ZNF451: variants seen among roughly 807,000 people sequenced by gnomAD.
ZNF451 encodes the protein zinc finger protein 451.
Under a neutral mutation model 107.1 loss-of-function variants are expected in ZNF451, and 80 were observed. The observed-to-expected ratio is 0.75, with a 90% CI of 0.62 to 0.90. The LOEUF (loss-of-function observed/expected upper bound fraction) is 0.90. Among genes scored for constraint, ZNF451 ranks in the 40% least tolerant of loss-of-function variants. ZNF451 has a pLI of 0.00. For missense variants in ZNF451, 1,107 were observed against 1,236.2 expected, an observed-to-expected ratio of 0.90 and a Z score of 1.57; for synonymous variants, 362 against 406.5, an observed-to-expected ratio of 0.89 and a Z score of 1.32.
intron 12 of ZNF451, among the ~76,000 whole-genome samples, chr6:57,153,468 G>A (rs891966916): frequency 6.6e-6 from 1 of 151,346 alleles, no homozygotes; most frequent in African/African-American, 2.4e-5. Context: ...GAGTGCAGTG[G>A]CGCGATCTTG....
intron 10 of ZNF451, among the ~76,000 whole-genome samples, chr6:57,148,975 T>C (rs1232091065): frequency 6.6e-6 from 1 of 152,212 alleles, no homozygotes; most frequent in Non-Finnish European, 1.5e-5. Flanking sequence ...AGTTGATAGT[T>C]TTTCTGAAAG....
At chr6:57,104,655 T>C in intron 3 of ZNF451, 4 of 985,308 alleles carry the variant, frequency 4.1e-6, no homozygotes, top group Non-Finnish European at 4.8e-6. Context: ...AACCATTTTT[T>C]AAGCGTATGG....
chr6:57,162,963 G>A (rs1229540321), intron 14 of ZNF451, among the ~76,000 whole-genome samples: 3 of 152,100 alleles, frequency 2.0e-5, no homozygotes, highest in African/African-American at 7.2e-5. Context: ...AATAGAGGTG[G>A]GGATAAAATC....
rs779857438 is a variant in ZNF451 at position 57,141,397 on chromosome 6, G to T, written c.798G>T (p.Glu266Asp). 3 of 1,613,386 alleles carry T rather than the reference G, an allele frequency of 1.9e-6. No individual in the cohort carries two copies. The highest frequency in any genetic ancestry group is 2.5e-6 in the Non-Finnish European group (3 of 1,179,662). The stretch of plus-strand genomic sequence containing the variant: ...GCTTCCTTCTTTTTAGCAGAAAGGA[G>T]GAGTGTTCAAAGCATATGTCTGGAA... ...PNCFLLFSRK[E>D]ECSKHMSGKN... Residue 266 changes from glutamate to aspartate, a missense_variant, in exon 8 of 15, where the codon GAG becomes GAT. Transcript: ENST00000370706.
intron 3 of ZNF451, among the ~76,000 whole-genome samples, chr6:57,124,156 A>G (rs1830789137): frequency 6.6e-6 from 1 of 152,188 alleles, no homozygotes; most frequent in African/African-American, 2.4e-5. Flanking sequence ...ATCTTTATAA[A>G]GTGAAGAAAG....
At chr6:57,104,453 A>G (rs1005948987) in intron 3 of ZNF451, 29 of 985,270 alleles carry the variant, frequency 2.9e-5, no homozygotes, top group Non-Finnish European at 3.5e-5. Context: ...ATTAGATGCT[A>G]TGTCATAAAC....
intron 14 of ZNF451, among the ~76,000 whole-genome samples, chr6:57,167,913 A>G (rs1238427840): frequency 6.6e-6 from 1 of 152,198 alleles, no homozygotes; most frequent in Non-Finnish European, 1.5e-5. Flanking sequence ...CTCAGATGAC[A>G]TTTATGTGGC....
intron 14 of ZNF451, among the ~76,000 whole-genome samples, chr6:57,161,940 A>G (rs560977895): frequency 1.6e-4 from 24 of 152,306 alleles, no homozygotes; most frequent in Non-Finnish European, 2.9e-4. Context: ...TTTTTATGTC[A>G]CTTGGCATCA....
intron 2 of ZNF451, chr6:57,091,449 C>T (rs1280525505): frequency 2.8e-5 from 4 of 145,046 alleles, no homozygotes; most frequent in African/African-American, 7.7e-5. Flanking sequence ...GTTTTCAAGC[C>T]TTAGTAAGTA....
intron 3 of ZNF451, among the ~76,000 whole-genome samples, chr6:57,123,791 T>C (rs762930899): frequency 1.3e-5 from 2 of 152,256 alleles, no homozygotes; most frequent in African/African-American, 4.8e-5. Flanking sequence ...CTAATGTACA[T>C]AGTGATTTTT....
chr6:57,162,816 A>AT (rs1265869970), intron 14 of ZNF451, among the ~76,000 whole-genome samples: 1 of 152,208 alleles, frequency 6.6e-6, no homozygotes, highest in Non-Finnish European at 1.5e-5. Context: ...TATGTACCAC[A>AT]TATTATCTAT....
In ZNF451 at chr6:57,169,342, A is replaced by T. The variant is rs1204638328; in HGVS notation, c.*873A>T. ...TTTTTATTTCATGTGAAGTGTTTTC[A>T]GTTTAGTTATTCACTGAATTGTCAG... On this transcript the variant is annotated 3_prime_UTR_variant, in exon 15 of 15. Transcript: ENST00000370706. 1.3e-5 allele frequency: 2 copies of T among 152,112 alleles called. No individual in the cohort carries two copies. Among genetic ancestry groups the T allele is most frequent in the African/African-American group, 4.8e-5 (2 of 41,440 alleles). 9.4% of individuals were successfully genotyped at this position (152,112 alleles called of 1,614,324 possible). A position where few individuals can be genotyped will look rare whatever the true frequency, so the allele number is the denominator to read the frequency against.
At chr6:57,143,461 CTTTGAG>C (rs1831883561) in intron 9 of ZNF451, among the ~76,000 whole-genome samples, 1 of 152,024 alleles carries the variant, frequency 6.6e-6, no homozygotes, top group African/African-American at 2.4e-5. Flanking sequence ...GCTCTTTAAA[CTTTGAG>C]TTTAATTTGC....
At chr6:57,104,402 C>G (rs1286468161) in intron 3 of ZNF451, 4 of 985,274 alleles carry the variant, frequency 4.1e-6, no homozygotes, top group Non-Finnish European at 4.8e-6. Context: ...AAGGCTACTT[C>G]AGACTTTTCA....
intron 3 of ZNF451, chr6:57,109,040 T>C: frequency 1.0e-6 from 1 of 985,418 alleles, no homozygotes; most frequent in African/African-American, 1.7e-5. Flanking sequence ...TTTCTGAACT[T>C]CCTTTATGGC....
At chr6:57,099,175 C>T in intron 3 of ZNF451, 34 bp downstream of exon 3, 1 of 1,508,674 alleles carries the variant, frequency 6.6e-7, no homozygotes, top group Non-Finnish European at 9.2e-7. Flanking sequence ...TGTTTCTTCA[C>T]TTGTGTCTTT....
chr6:57,097,678 G>T (rs1032034640), intron 2 of ZNF451, among the ~76,000 whole-genome samples: 1 of 152,120 alleles, frequency 6.6e-6, no homozygotes, highest in Non-Finnish European at 1.5e-5. Flanking sequence ...GTTCAGTTTA[G>T]TTCTAGAGTT....
rs749301188 is a variant in ZNF451, at chr6:57,147,219, A to G, written c.1134A>G (p.Gln378=). 3.1e-6 allele frequency: 5 copies of G among 1,614,098 alleles called. No homozygotes were observed. The South Asian group carries it at 5.5e-5, about 18-fold the overall frequency. The part of the protein sequence containing the change: ...NQVFVDETST[Q]NHKQNSGHKV... ...TCTTTGTGGATGAAACCAGCACCCA[A>G]AATCATAAGCAGAATTCAGGACACA... is the stretch of plus-strand genomic sequence containing the variant. Residue 378 remains glutamine, a synonymous_variant, in exon 10 of 15, where the codon CAA becomes CAG. Transcript: ENST00000370706.
chr6:57,155,166 T>G (rs1243765470), intron 13 of ZNF451, among the ~76,000 whole-genome samples: 1 of 152,118 alleles, frequency 6.6e-6, no homozygotes, highest in Non-Finnish European at 1.5e-5. Context: ...GTGGCTTTCT[T>G]TTTTCTTAAA....
Sources: allele counts gnomAD v4.1 joint callset (sites outside exome capture counted in the v4.1 genomes callset), GRCh38; gene constraint gnomAD v4.1.1; transcripts MANE v1.5; gene names NCBI Gene and HGNC (gene_info 2026-07-23, HGNC 2026-07-21).